Variants in FRYL observed in about 807,000 individuals in gnomAD.
FRYL encodes the protein protein furry homolog-like.
Under a neutral mutation model 351.2 loss-of-function variants are expected in FRYL, and 150 were observed. The observed-to-expected ratio is 0.43, with a 90% CI of 0.37 to 0.49. The LOEUF is 0.49. Ranked by LOEUF, FRYL falls within the 20% of genes least tolerant of loss-of-function variation. The pLI, the probability that FRYL is intolerant of heterozygous loss-of-function variation, is 0.00. For missense variants in FRYL, 3,036 were observed against 3,619.3 expected (o/e 0.84, Z 4.13); for synonymous variants, 1,153 against 1,257.1 (o/e 0.92, Z 1.75).
In FRYL at chr4:48,528,214, G is replaced by A. The variant is rs200076496; in HGVS notation, c.7026C>T (p.Ala2342=). The A allele has an allele frequency of 1.9e-6, 3 of 1,613,206 alleles. No homozygotes were observed. The highest frequency in any genetic ancestry group is 1.7e-5 in the Admixed American group (1 of 59,948). The change falls in exon 51 of 64, where the codon GCC becomes GCT. Residue 2342 remains alanine (A), a synonymous_variant. Coordinates refer to ENST00000358350, the MANE Select transcript of FRYL (RefSeq NM_015030.2). ...SSTSSGSNSN[A]LVPVSWKRPQ... ...GCCTTTTCCAACTAACAGGAACCAA[G>A]GCATTAGAATTAGAACCAGAAGAAG... is the stretch of plus-strand genomic sequence containing the variant.
At chr4:48,519,800 C>A (rs1724510302) in intron 55 of FRYL, among the ~76,000 whole-genome samples, 1 of 151,790 alleles carries the variant, frequency 6.6e-6, no homozygotes, top group African/African-American at 2.4e-5. Context: ...ATGGTGACAT[C>A]TCAGCTCACT....
At chr4:48,556,370 C>A (rs908675886) in intron 35 of FRYL, among the ~76,000 whole-genome samples, 5 of 152,206 alleles carry the variant, frequency 3.3e-5, no homozygotes, top group Non-Finnish European at 4.4e-5. Context: ...TTGACTTGGG[C>A]AGATCTGGAT....
intron 43 of FRYL, 46 bp downstream of exon 43, chr4:48,544,737 A>T (rs375190055): frequency 5.8e-5 from 87 of 1,494,230 alleles, no homozygotes; most frequent in Non-Finnish European, 6.0e-5. Flanking sequence ...AGAAATTGAC[A>T]TCACATTAAA....
chr4:48,756,684 A>T (rs1773818162), intron 1 of FRYL, among the ~76,000 whole-genome samples: 1 of 152,230 alleles, frequency 6.6e-6, no homozygotes, highest in African/African-American at 2.4e-5. Flanking sequence ...GAAGTAGCTC[A>T]TGCCTGTAAT....
intron 27 of FRYL, among the ~76,000 whole-genome samples, chr4:48,570,283 T>C (rs986762287): frequency 6.6e-6 from 1 of 152,228 alleles, no homozygotes; most frequent in African/African-American, 2.4e-5. Context: ...AGTGTGAAGA[T>C]GCCTTTACTG....
Position 48,497,876 on chromosome 4 carries a change from T to C in FRYL, c.*1546A>G, listed in dbSNP as rs1718757503. 1 of 152,574 alleles carries C rather than the reference T, an allele frequency of 6.6e-6. No homozygotes were observed. Among genetic ancestry groups the C allele is most frequent in the Admixed American group, 6.5e-5 (1 of 15,268 alleles). 9.5% of individuals were successfully genotyped at this position (152,574 alleles called of 1,614,324 possible). ...TGGTGTGCACAGTGCCTTCAATTAA[T>C]GCACTTGAGCATACGTAATTACATT... On this transcript the variant is annotated 3_prime_UTR_variant, in exon 64 of 64. Coordinates refer to ENST00000358350, the MANE Select transcript of FRYL (RefSeq NM_015030.2).
chr4:48,708,915 T>TTTTTTTTTTTTTTG (rs1553866670), intron 2 of FRYL, among the ~76,000 whole-genome samples: 1 of 138,920 alleles, frequency 7.2e-6, no homozygotes, highest in African/African-American at 2.7e-5. Flanking sequence ...CGTGTGTTTT[T>TTTTTTTTTTTTTTG]TTTTTTGTTT....
At chr4:48,747,168 C>CT (rs1553880444) in intron 1 of FRYL, among the ~76,000 whole-genome samples, 12 of 150,966 alleles carry the variant, frequency 7.9e-5, no homozygotes, top group African/African-American at 2.2e-4. Context: ...CCTATCCCCC[C>CT]CCAAAAAAAG....
In FRYL at chr4:48,780,187, T is replaced by G. The variant is rs1252235684; in HGVS notation, c.-493A>C. 2 of 152,822 alleles carry G rather than the reference T, an allele frequency of 1.3e-5. No individual in the cohort carries two copies. The highest frequency in any genetic ancestry group is 4.8e-5 in the African/African-American group (2 of 41,386). 9.5% of individuals were successfully genotyped at this position (152,822 alleles called of 1,614,324 possible). A position where few individuals can be genotyped will look rare whatever the true frequency, so the allele number is the denominator to read the frequency against. ...ATGGCGCGTCCCCTTTAAGGAATAA[T>G]CCGATCGGAACCGATCTGTGGTTAA... On this transcript the variant is annotated 5_prime_UTR_variant, in exon 1 of 64. Coordinates refer to ENST00000358350, the MANE Select transcript of FRYL (RefSeq NM_015030.2).
chr4:48,684,355 A>T (rs769611442), intron 3 of FRYL, among the ~76,000 whole-genome samples: 6 of 152,178 alleles, frequency 3.9e-5, no homozygotes, highest in Non-Finnish European at 7.4e-5. Context: ...TCTGCTTCCT[A>T]AGCCCCCTCG....
chr4:48,635,392 G>C (rs539486969), intron 3 of FRYL, among the ~76,000 whole-genome samples: 101 of 152,152 alleles, frequency 6.6e-4, no homozygotes, highest in African/African-American at 2.4e-3. Context: ...AACAGCACAG[G>C]AAAAAAAGCA....
At chr4:48,623,260 G>T in intron 4 of FRYL, 81 bp from the exon 5 acceptor site, 5 of 824,988 alleles carry the variant, frequency 6.1e-6, no homozygotes, top group Non-Finnish European at 9.2e-6. Flanking sequence ...ATAATAAACA[G>T]TTTAGATTTG....
chr4:48,598,479 T>C (rs1745061513), intron 13 of FRYL, among the ~76,000 whole-genome samples: 1 of 152,176 alleles, frequency 6.6e-6, no homozygotes, highest in African/African-American at 2.4e-5. Flanking sequence ...ACAAACTATA[T>C]TCAAAATCTA....
chr4:48,625,184 ACCCTAT>A (rs1378960826), intron 4 of FRYL, among the ~76,000 whole-genome samples: 2 of 152,060 alleles, frequency 1.3e-5, no homozygotes, highest in African/African-American at 4.8e-5. Context: ...ACAAACACAC[ACCCTAT>A]TGGTTCCATT....
chr4:48,668,268 C>T (rs1762076816), intron 3 of FRYL, among the ~76,000 whole-genome samples: 2 of 151,754 alleles, frequency 1.3e-5, no homozygotes, highest in Non-Finnish European at 2.9e-5. Flanking sequence ...GATTGATCAT[C>T]GTTTGCTTAA....
rs1255010426 is a variant in FRYL at position 48,499,375 on chromosome 4, T to C, written c.*47A>G. 1 of 1,576,170 alleles carries C rather than the reference T, an allele frequency of 6.3e-7. No homozygotes were observed. The highest frequency in any genetic ancestry group is 2.2e-5 in the East Asian group (1 of 44,658). On this transcript the variant is annotated 3_prime_UTR_variant, in exon 64 of 64. Transcript: ENST00000358350. ...TCCATAAAAGGTGCTTGGTTAATAT[T>C]CTTCATCATCTTCAGTTTAGTTTCT...
chr4:48,724,277 T>G (rs1241275034), intron 1 of FRYL, among the ~76,000 whole-genome samples: 1 of 152,176 alleles, frequency 6.6e-6, no homozygotes, highest in African/African-American at 2.4e-5. Context: ...TCCTTTCCCC[T>G]ATTCCAGCCA....
chr4:48,536,098 G>A (rs1241574848), intron 47 of FRYL, among the ~76,000 whole-genome samples: 1 of 152,166 alleles, frequency 6.6e-6, no homozygotes, highest in African/African-American at 2.4e-5. Context: ...AACTGTCTCT[G>A]GCAGAAACCA....
Position 48,540,566 on chromosome 4 carries a change from T to G in FRYL, c.6082A>C (p.Lys2028Gln), listed in dbSNP as rs1490807877. 6 of 1,613,922 alleles carry G rather than the reference T, an allele frequency of 3.7e-6. No homozygotes were observed. The highest frequency in any genetic ancestry group is 4.2e-6 in the Non-Finnish European group (5 of 1,179,944). The change falls in exon 46 of 64, where the codon AAA (lysine) becomes CAA (glutamine). Residue 2028 changes from lysine to glutamine, a missense_variant. Physicochemically the swap from Lys to Gln is moderately conservative, Grantham distance 53. Around this residue, in one of 7 missense-constraint regions of FRYL, gnomAD observed 1,987 missense variants for 2,311.7 expected, o/e 0.86. Transcript: ENST00000358350. ...TCCAAAGGCAAATGGATAAGCAGTT[T>G]GTTGAGAAGCCTGAGAGCCAGGAGG... ...EYLLALRLLN[K>Q]LLIHLPLDKS...
Sources: gnomAD v4.1 joint callset for allele counts (sites outside exome capture counted in the v4.1 genomes callset) on GRCh38, gnomAD v4.1.1 for gene constraint, gnomAD v4.1.1 regional missense constraint, MANE v1.5 for transcripts, NCBI Gene and HGNC (gene_info 2026-07-23, HGNC 2026-07-21) for gene names.